FAM53B: variants seen among roughly 807,000 people sequenced by gnomAD.
FAM53B encodes the protein family with sequence similarity 53 member B.
A neutral mutation model predicts 32.7 loss-of-function variants in FAM53B; 12 were observed. The observed-to-expected ratio is 0.37, with a 90% CI of 0.24 to 0.59. The LOEUF (loss-of-function observed/expected upper bound fraction) is 0.59, where lower values mean the gene tolerates loss of function less well. Among genes scored for constraint, FAM53B ranks in the 20% least tolerant of loss-of-function variants. The pLI is 0.72. For synonymous variants in FAM53B, 234 were observed against 228.7 expected, an observed-to-expected ratio of 1.02 and a Z score of -0.21; for missense variants, 477 against 577.7, an observed-to-expected ratio of 0.83 and a Z score of 1.79.
intron 4 of FAM53B, among the ~76,000 whole-genome samples, chr10:124,663,629 G>A (rs933845608): frequency 1.3e-5 from 2 of 152,182 alleles, no homozygotes; most frequent in Admixed American, 6.5e-5. Flanking sequence ...GTCTGGGGTG[G>A]GCACCGAGGT....
chr10:124,716,069 T>G (rs2134093101), intron 1 of FAM53B, among the ~76,000 whole-genome samples: 1 of 152,232 alleles, frequency 6.6e-6, no homozygotes, highest in South Asian at 2.1e-4. Context: ...CAAGTGAGAG[T>G]GGCTGGCTGT....
At chr10:124,632,573 C>T (rs912343498) in intron 4 of FAM53B, among the ~76,000 whole-genome samples, 3 of 152,216 alleles carry the variant, frequency 2.0e-5, no homozygotes, top group Admixed American at 1.3e-4. Flanking sequence ...GGCACTCGTT[C>T]GCATTCAGCT....
intron 4 of FAM53B, among the ~76,000 whole-genome samples, chr10:124,658,126 A>G (rs1478827997): frequency 1.3e-5 from 2 of 152,244 alleles, no homozygotes; most frequent in African/African-American, 4.8e-5. Flanking sequence ...AGGCTCACCC[A>G]GCAGACAGTC....
At chr10:124,712,759 ATGGAGAC>A (rs1950013077) in intron 1 of FAM53B, among the ~76,000 whole-genome samples, 2 of 152,198 alleles carry the variant, frequency 1.3e-5, no homozygotes, top group African/African-American at 4.8e-5. Flanking sequence ...CAACCTGATC[ATGGAGAC>A]ACAGTGCTCT....
intron 4 of FAM53B, among the ~76,000 whole-genome samples, chr10:124,659,235 T>G (rs1949613978): frequency 6.6e-6 from 1 of 152,234 alleles, no homozygotes; most frequent in Admixed American, 6.5e-5. Flanking sequence ...GCCTTCCTGC[T>G]TTCAGCCATG....
intron 4 of FAM53B, among the ~76,000 whole-genome samples, chr10:124,638,600 C>T (rs562227066): frequency 1.3e-5 from 2 of 152,302 alleles, no homozygotes; most frequent in South Asian, 2.1e-4. Flanking sequence ...ACGTTGCCCA[C>T]GAGCAGCCCC....
At chr10:124,677,118 G>A (rs555800882) in intron 4 of FAM53B, among the ~76,000 whole-genome samples, 13 of 152,268 alleles carry the variant, frequency 8.5e-5, no homozygotes, top group African/African-American at 3.1e-4. Context: ...GCATTCAATG[G>A]GTGAACTTTT....
Position 124,706,689 on chromosome 10 carries a change from G to A in FAM53B, c.25C>T (p.Leu9Phe). The A allele has an allele frequency of 1.2e-6, 2 of 1,614,180 alleles. No individual in the cohort carries two copies. Among genetic ancestry groups the A allele is most frequent in the Non-Finnish European group, 1.7e-6 (2 of 1,180,010 alleles). Residue 9 changes from leucine to phenylalanine, a missense_variant, in exon 2 of 5, where the codon CTC becomes TTC. Coordinates refer to ENST00000337318, the MANE Select transcript of FAM53B (RefSeq NM_014661.4). Reference protein sequence around the residue: MVMVLSESLSTRGADSIAC... With the variant: MVMVLSESFSTRGADSIAC... ...ATGGAGTCAGCTCCCCGGGTGCTGA[G>A]GCTTTCACTTAGGACCATCACCATG... is the stretch of plus-strand genomic sequence containing the variant.
intron 1 of FAM53B, among the ~76,000 whole-genome samples, chr10:124,723,333 T>C (rs1950081326): frequency 6.6e-6 from 1 of 152,244 alleles, no homozygotes; most frequent in Admixed American, 6.5e-5. Context: ...AAATCTGTCT[T>C]GCTTGCAGGG....
Position 124,682,193 on chromosome 10 carries a change from G to A in FAM53B, c.320C>T (p.Ala107Val). 6.2e-7 allele frequency: 1 copy of A among 1,613,846 alleles called. No individual in the cohort carries two copies. Among genetic ancestry groups the A allele is most frequent in the Non-Finnish European group, 8.5e-7 (1 of 1,179,932 alleles). The change falls in exon 4 of 5, where the codon GCA (alanine) becomes GTA (valine). Residue 107 changes from alanine (A) to valine (V), a missense_variant. By Grantham distance (64) the Ala-to-Val change is moderately conservative. Around this residue, in one of 2 missense-constraint regions of FAM53B, gnomAD observed 312 missense variants for 420.2 expected, o/e 0.74. Coordinates refer to ENST00000337318, the MANE Select transcript of FAM53B (RefSeq NM_014661.4). The surrounding 1 kb of genome is among the most constrained non-coding windows in gnomAD (Gnocchi z 5.2). ...GCGGCACTGGCGCTTGCTAGGGGGTGCTGAGGGGTTCCCGTTGTGGTCGCT... is the reference window on the plus strand; with the variant it reads ...GCGGCACTGGCGCTTGCTAGGGGGTACTGAGGGGTTCCCGTTGTGGTCGCT... ...SISDHNGNPS[A>V]PPSKRQCRSL...
At chr10:124,692,714 CAAAAAAAAAAAAAAA>C (rs5788679) in intron 3 of FAM53B, among the ~76,000 whole-genome samples, 2 of 69,046 alleles carry the variant, frequency 2.9e-5, no homozygotes, top group Non-Finnish European at 4.9e-5. Context: ...TACTCCATCT[CAAAAAAAAAAAAAAA>C]AAAAAAAAAA....
intron 1 of FAM53B, among the ~76,000 whole-genome samples, chr10:124,725,893 T>C (rs1396681235): frequency 6.6e-6 from 1 of 152,142 alleles, no homozygotes; most frequent in African/African-American, 2.4e-5. Context: ...GAGCCTCATA[T>C]GCCAGGCAGC....
intron 1 of FAM53B, among the ~76,000 whole-genome samples, chr10:124,718,301 C>T (rs996869203): frequency 6.6e-6 from 1 of 152,134 alleles, no homozygotes; most frequent in Admixed American, 6.6e-5. Context: ...TCAGGACTTC[C>T]CCCTTCCTGA....
At chr10:124,688,255 C>T (rs1949814203) in intron 3 of FAM53B, among the ~76,000 whole-genome samples, 2 of 152,246 alleles carry the variant, frequency 1.3e-5, no homozygotes, top group South Asian at 4.1e-4. Flanking sequence ...CAGCCTGACA[C>T]CAAGCCCCTG....
intron 4 of FAM53B, among the ~76,000 whole-genome samples, chr10:124,657,084 GTGTGTATATATA>G (rs928088219): frequency 1.1e-4 from 15 of 134,324 alleles, no homozygotes; most frequent in South Asian, 2.5e-4. Context: ...ATATATATGT[GTGTGTATATATA>G]TGTGTATATA....
At chr10:124,686,363 T>G (rs950027127) in intron 3 of FAM53B, among the ~76,000 whole-genome samples, 1 of 152,220 alleles carries the variant, frequency 6.6e-6, no homozygotes, top group Non-Finnish European at 1.5e-5. Context: ...AAGATTTCTT[T>G]GTCGTAGGGA....
intron 4 of FAM53B, among the ~76,000 whole-genome samples, chr10:124,670,459 C>T (rs2134062279): frequency 6.6e-6 from 1 of 152,298 alleles, no homozygotes; most frequent in African/African-American, 2.4e-5. Context: ...CTCACCCCAG[C>T]CTGCAAGGCC....
chr10:124,645,379 C>T (rs1371655464), intron 4 of FAM53B, among the ~76,000 whole-genome samples: 1 of 152,246 alleles, frequency 6.6e-6, no homozygotes, highest in Non-Finnish European at 1.5e-5. Flanking sequence ...CCCCCTCAGG[C>T]CCTGCTGAGA....
intron 1 of FAM53B, among the ~76,000 whole-genome samples, chr10:124,740,393 C>T (rs756635146): frequency 3.3e-5 from 5 of 152,182 alleles, no homozygotes; most frequent in Admixed American, 1.3e-4. Context: ...CGGTAAATTG[C>T]TTTTGAATAT....
Sources: gnomAD v4.1 joint callset for allele counts (sites outside exome capture counted in the v4.1 genomes callset) on GRCh38, gnomAD v4.1.1 for gene constraint, gnomAD v4.1.1 regional missense constraint, Gnocchi (gnomAD v3.1) non-coding constraint, MANE v1.5 for transcripts, NCBI Gene and HGNC (gene_info 2026-07-23, HGNC 2026-07-21) for gene names.